The following DOCK7 variants were observed in gnomAD, a reference collection of about 807,000 sequenced individuals.
DOCK7 encodes dedicator of cytokinesis protein 7.
Under a neutral mutation model 271.0 loss-of-function variants are expected in DOCK7, and 138 were observed. That is an observed-to-expected ratio of 0.51 (90% confidence interval 0.44 to 0.59). DOCK7 has a LOEUF of 0.59. Ranked by LOEUF, DOCK7 falls within the 20% of genes least tolerant of loss-of-function variation. The pLI is 0.00. For synonymous variants in DOCK7, 823 were observed against 876.1 expected, an observed-to-expected ratio of 0.94 and a Z score of 1.07; for missense variants, 2,066 against 2,592.4, an observed-to-expected ratio of 0.80 and a Z score of 4.41.
chr1:62,584,171 A>ATAT (rs539287752), intron 15 of DOCK7: 4 of 984,052 alleles, frequency 4.1e-6, no homozygotes, highest in Non-Finnish European at 4.8e-6. Context: ...TTAGAAGGGC[A>ATAT]TATTAGCAGG....
chr1:62,603,669 C>T (rs1021567825), intron 14 of DOCK7, among the ~76,000 whole-genome samples: 1 of 151,600 alleles, frequency 6.6e-6, no homozygotes. Flanking sequence ...CTACCAATGA[C>T]GAGACTTTAA....
At chr1:62,627,109 C>T (rs1305655176) in intron 11 of DOCK7, among the ~76,000 whole-genome samples, 1 of 152,116 alleles carries the variant, frequency 6.6e-6, no homozygotes, top group Non-Finnish European at 1.5e-5. Flanking sequence ...TCATTCGATG[C>T]AACACCACAT....
At chr1:62,610,337 A>T (rs1367977296) in intron 14 of DOCK7, among the ~76,000 whole-genome samples, 3 of 152,076 alleles carry the variant, frequency 2.0e-5, no homozygotes, top group African/African-American at 7.2e-5. Flanking sequence ...TAGAAAAAAA[A>T]ATGCTCCTGA....
rs1004895380 is a variant in DOCK7, at chr1:62,604,345, C to A, written c.1682+14361G>T. The stretch of plus-strand genomic sequence containing the variant: ...TTTAAAAATCCGAATCCCAAATAAG[C>A]GTTTTCTCTCTAGACGAAAACCTCT... On this transcript the variant is annotated intron_variant, in intron 14 of 49. Transcript: ENST00000635253. 7 of 1,353,636 alleles carry A rather than the reference C, an allele frequency of 5.2e-6. No homozygotes were observed. The South Asian group carries it at 6.4e-5, about 12-fold the overall frequency. 83.9% of individuals were successfully genotyped at this position (1,353,636 alleles called of 1,614,324 possible). A position where few individuals can be genotyped will look rare whatever the true frequency, so the allele number is the denominator to read the frequency against.
chr1:62,497,350 C>T (rs1646652243), intron 37 of DOCK7, among the ~76,000 whole-genome samples: 1 of 152,136 alleles, frequency 6.6e-6, no homozygotes, highest in African/African-American at 2.4e-5. Flanking sequence ...TTTCTGTCTC[C>T]AGCTGATATT....
chr1:62,477,441 G>T (rs945584553), intron 44 of DOCK7, among the ~76,000 whole-genome samples: 1 of 152,104 alleles, frequency 6.6e-6, no homozygotes, highest in South Asian at 2.1e-4. Context: ...CCGTTAAGTC[G>T]CAGTAATTCT....
At position 62,577,125 on chromosome 1, in the gene DOCK7, C is replaced by T. The variant is rs116371127; in HGVS notation, c.2112+137G>A. The T allele has an allele frequency of 2.8e-3, 1,231 of 432,652 alleles. 8 individuals are homozygous for T. Among genetic ancestry groups the T allele is most frequent in the African/African-American group, 0.021 (1,013 of 48,874 alleles). 26.8% of individuals were successfully genotyped at this position (432,652 alleles called of 1,614,324 possible). ...GTTTTATGTAAAAGAATTTTAACCA[C>T]GGGAGAAAATACTTTTCCTTCATTA... On this transcript the variant is annotated intron_variant, in intron 18 of 49. Transcript: ENST00000635253.
chr1:62,687,932 C>G (rs1426523974), intron 1 of DOCK7, among the ~76,000 whole-genome samples: 1 of 152,196 alleles, frequency 6.6e-6, no homozygotes, highest in Non-Finnish European at 1.5e-5. Context: ...CCGCAGAAGT[C>G]CAGGCCCGGG....
intron 4 of DOCK7, among the ~76,000 whole-genome samples, chr1:62,648,999 T>C (rs1050698903): frequency 2.6e-5 from 4 of 152,136 alleles, no homozygotes; most frequent in Non-Finnish European, 5.9e-5. Flanking sequence ...TCGTTATCTA[T>C]AAAAGATCTT....
chr1:62,603,998 T>G (rs747725081), intron 14 of DOCK7: 1 of 1,613,058 alleles, frequency 6.2e-7, no homozygotes, highest in Non-Finnish European at 8.5e-7. Flanking sequence ...AGAGAAGATA[T>G]ACTCCATAGT....
intron 2 of DOCK7, among the ~76,000 whole-genome samples, chr1:62,662,414 G>A (rs1658764585): frequency 2.0e-5 from 3 of 152,168 alleles, no homozygotes; most frequent in Admixed American, 1.3e-4. Flanking sequence ...TTACTTCGGT[G>A]CTTGTTTCTA....
At chr1:62,488,779 T>C in intron 42 of DOCK7, 155 bp downstream of exon 42, 1 of 929,454 alleles carries the variant, frequency 1.1e-6, no homozygotes, top group South Asian at 1.4e-5. Flanking sequence ...TTAATGAGCT[T>C]TGCTTTGGCC....
chr1:62,620,930 G>C (rs1653139313), intron 12 of DOCK7, among the ~76,000 whole-genome samples: 1 of 148,418 alleles, frequency 6.7e-6, no homozygotes, highest in Admixed American at 6.7e-5. Context: ...ACAAGTTAGA[G>C]ATAGATGAAA....
rs146330198 is a variant in DOCK7, at chr1:62,618,740, C to G, written c.1648G>C (p.Ala550Pro). The change falls in exon 14 of 50, where the codon GCA becomes CCA. Residue 550 changes from alanine (A) to proline (P), a missense_variant. Ala to Pro is a conservative substitution (Grantham distance 27, BLOSUM62 -1). Coordinates refer to ENST00000635253, the MANE Select transcript of DOCK7 (RefSeq NM_001367561.1). ...RPTREILEFP[A>P]RDVYVPNTTY... ...GTGTTTGGAACATAAACATCCCTTG[C>G]GGGAAACTCTAAGATTTCTCTGGTA... 7 of 1,613,524 alleles carry G rather than the reference C, an allele frequency of 4.3e-6. No individual in the cohort carries two copies. In the South Asian group the frequency reaches 6.6e-5, roughly 15 times the overall value.
At chr1:62,618,939 A>C in intron 13 of DOCK7, 71 bp from the exon 14 acceptor site, 1 of 1,394,158 alleles carries the variant, frequency 7.2e-7, no homozygotes, top group Non-Finnish European at 9.9e-7. Flanking sequence ...TTTTTAAAGG[A>C]CTTGGATCCT....
intron 1 of DOCK7, among the ~76,000 whole-genome samples, chr1:62,677,023 G>A (rs1168123): frequency 2.0e-5 from 3 of 152,202 alleles, no homozygotes; most frequent in Non-Finnish European, 4.4e-5. Flanking sequence ...GCAGATAGGA[G>A]AGCTGTCTAT....
At chr1:62,490,937 G>A (rs1271473088) in intron 41 of DOCK7, among the ~76,000 whole-genome samples, 1 of 152,160 alleles carries the variant, frequency 6.6e-6, no homozygotes, top group African/African-American at 2.4e-5. Flanking sequence ...ACTCTTAAGA[G>A]TCTCACAATT....
intron 10 of DOCK7, among the ~76,000 whole-genome samples, chr1:62,632,332 A>G (rs1334025408): frequency 6.6e-6 from 1 of 152,226 alleles, no homozygotes; most frequent in African/African-American, 2.4e-5. Context: ...ATTTAAGAGC[A>G]CTATGTAACA....
At chr1:62,500,335 G>A (rs952633064) in intron 37 of DOCK7, among the ~76,000 whole-genome samples, 2 of 151,914 alleles carry the variant, frequency 1.3e-5, no homozygotes, top group Non-Finnish European at 2.9e-5. Context: ...ATGTGAGCTG[G>A]CAAAAGAAAT....
Sources: allele counts gnomAD v4.1 joint callset (sites outside exome capture counted in the v4.1 genomes callset), GRCh38; gene constraint gnomAD v4.1.1; transcripts MANE v1.5; gene names NCBI Gene and HGNC (gene_info 2026-07-23, HGNC 2026-07-21).